TRPM3: variants seen among roughly 807,000 people sequenced by gnomAD.
TRPM3 encodes the protein long transient receptor potential channel 3.
Under a neutral mutation model 181.2 loss-of-function variants are expected in TRPM3, and 77 were observed. The observed-to-expected ratio is 0.42, with a 90% CI of 0.35 to 0.51. The LOEUF is 0.51. TRPM3 is among the 20% of genes least tolerant of loss of function. The pLI is 0.01. For synonymous variants in TRPM3, 745 were observed against 796.4 expected, an observed-to-expected ratio of 0.94 and a Z score of 1.09; for missense variants, 1,759 against 2,196.7, an observed-to-expected ratio of 0.80 and a Z score of 3.98.
chr9:70,994,539 A>C (rs929070169), intron 1 of TRPM3, among the ~76,000 whole-genome samples: 6 of 151,696 alleles, frequency 4.0e-5, no homozygotes, highest in African/African-American at 1.5e-4. Flanking sequence ...AAGTTAACCT[A>C]TGTGGTTTCC....
At chr9:71,316,511 T>C (rs1039815900) in intron 1 of TRPM3, among the ~76,000 whole-genome samples, 1 of 152,130 alleles carries the variant, frequency 6.6e-6, no homozygotes, top group Non-Finnish European at 1.5e-5. Flanking sequence ...GTGGGCCCAT[T>C]TGAATCACAT....
chr9:71,141,875 A>G (rs1190103273), intron 1 of TRPM3, among the ~76,000 whole-genome samples: 2 of 152,134 alleles, frequency 1.3e-5, no homozygotes, highest in African/African-American at 4.8e-5. Context: ...CTTCCACAAG[A>G]GCATCTTTAA....
intron 6 of TRPM3, among the ~76,000 whole-genome samples, chr9:70,790,962 G>A (rs2085241995): frequency 6.6e-6 from 1 of 152,152 alleles, no homozygotes; most frequent in Non-Finnish European, 1.5e-5. Flanking sequence ...GGAGCAGAGT[G>A]AGCCCAAGAA....
Position 71,034,746 on chromosome 9 carries a change from C to T in TRPM3, c.177+86432G>A, listed in dbSNP as rs796221529. Among the ~76,000 whole-genome samples, 321 of 149,502 alleles carry T rather than the reference C, an allele frequency of 2.1e-3. 1 individual carries two copies. Among genetic ancestry groups the T allele is most frequent in the African/African-American group, 7.5e-3 (303 of 40,608 alleles). On this transcript the variant is annotated intron_variant, in intron 1 of 25. Transcript: ENST00000677713. ...AATCAACAATGCTACCAATTGGGGT[C>T]TTTACTATTTTTTTTTTTTTAGAGA...
At chr9:71,232,224 A>T (rs1191339852) in intron 1 of TRPM3, among the ~76,000 whole-genome samples, 1 of 152,190 alleles carries the variant, frequency 6.6e-6, no homozygotes, top group Non-Finnish European at 1.5e-5. Context: ...GGCTGGCACA[A>T]GCATTGTTTG....
At chr9:70,551,711 A>G (rs992319294) in intron 24 of TRPM3, among the ~76,000 whole-genome samples, 3 of 152,192 alleles carry the variant, frequency 2.0e-5, no homozygotes, top group African/African-American at 7.2e-5. Context: ...ACTGCAGGCT[A>G]TCATTCATTA....
chr9:70,937,620 C>T (rs1183713306), intron 1 of TRPM3, among the ~76,000 whole-genome samples: 4 of 152,086 alleles, frequency 2.6e-5, no homozygotes, highest in Non-Finnish European at 4.4e-5. Flanking sequence ...AGGTAAGTAA[C>T]TTGTATTTCA....
chr9:70,902,778 A>G (rs1231409678), intron 1 of TRPM3, among the ~76,000 whole-genome samples: 2 of 152,258 alleles, frequency 1.3e-5, no homozygotes, highest in Non-Finnish European at 2.9e-5. Flanking sequence ...GAATGAATGA[A>G]TAACTTGTGA....
At chr9:70,988,809 C>T (rs1249993808) in intron 1 of TRPM3, among the ~76,000 whole-genome samples, 1 of 152,198 alleles carries the variant, frequency 6.6e-6, no homozygotes, top group African/African-American at 2.4e-5. Context: ...TTGTAAACTG[C>T]CCCTGGGCAC....
intron 9 of TRPM3, among the ~76,000 whole-genome samples, chr9:70,650,042 C>A (rs1395035581): frequency 2.0e-5 from 3 of 152,122 alleles, no homozygotes; most frequent in Admixed American, 2.0e-4. Flanking sequence ...TTATTCTAAG[C>A]AAATTAACAC....
chr9:70,877,470 T>A (rs2095888120), intron 1 of TRPM3, among the ~76,000 whole-genome samples: 1 of 151,990 alleles, frequency 6.6e-6, no homozygotes. Flanking sequence ...AAATGTAAAT[T>A]TTTGTAAGTA....
At chr9:71,270,248 G>A (rs1474653891) in intron 1 of TRPM3, among the ~76,000 whole-genome samples, 2 of 152,128 alleles carry the variant, frequency 1.3e-5, no homozygotes, top group African/African-American at 4.8e-5. Context: ...TACTCAGGAG[G>A]CTGAGGCAGA....
intron 1 of TRPM3, among the ~76,000 whole-genome samples, chr9:71,420,737 A>AAGAGAG (rs1428301769): frequency 2.0e-5 from 1 of 49,416 alleles, no homozygotes; most frequent in African/African-American, 7.5e-5. Context: ...GAGAGAGAGA[A>AAGAGAG]AGAGAGAGAA....
At chr9:70,806,791 A>G (rs1257486762) in intron 6 of TRPM3, among the ~76,000 whole-genome samples, 2 of 152,228 alleles carry the variant, frequency 1.3e-5, no homozygotes, top group African/African-American at 2.4e-5. Flanking sequence ...AGCACTATTT[A>G]TAGTCATTTC....
At chr9:70,739,562 T>A (rs569231772) in intron 8 of TRPM3, among the ~76,000 whole-genome samples, 1 of 151,894 alleles carries the variant, frequency 6.6e-6, no homozygotes, top group East Asian at 1.9e-4. Context: ...CCCTGAGAAC[T>A]GGAACAAGAC....
intron 1 of TRPM3, among the ~76,000 whole-genome samples, chr9:71,031,609 T>C (rs532108428): frequency 9.2e-5 from 14 of 152,012 alleles, no homozygotes; most frequent in Non-Finnish European, 1.9e-4. Context: ...TTTTTAGTAA[T>C]ATTAAAAAAT....
At chr9:70,840,178 C>T (rs1564533509) in intron 5 of TRPM3, among the ~76,000 whole-genome samples, 1 of 152,136 alleles carries the variant, frequency 6.6e-6, no homozygotes, top group Non-Finnish European at 1.5e-5. Flanking sequence ...ATAGTACTTT[C>T]ATTCCAAATA....
At chr9:70,935,641 C>G (rs1452384738) in intron 1 of TRPM3, among the ~76,000 whole-genome samples, 1 of 152,148 alleles carries the variant, frequency 6.6e-6, no homozygotes, top group African/African-American at 2.4e-5. Flanking sequence ...ATATACTTGT[C>G]TGGGTTGCTG....
intron 1 of TRPM3, among the ~76,000 whole-genome samples, chr9:70,924,608 G>A (rs918276130): frequency 4.3e-4 from 65 of 152,182 alleles, no homozygotes; most frequent in African/African-American, 1.3e-3. Context: ...AAAGCTCTTC[G>A]TCTTGTTGCC....
Sources: allele counts gnomAD v4.1 joint callset (sites outside exome capture counted in the v4.1 genomes callset), GRCh38; gene constraint gnomAD v4.1.1; transcripts MANE v1.5; gene names NCBI Gene and HGNC (gene_info 2026-07-23, HGNC 2026-07-21).